Variants in KIR2DL3 observed in about 807,000 individuals in gnomAD.
The protein encoded by KIR2DL3 is killer cell immunoglobulin like receptor, two Ig domains and long cytoplasmic tail 3, also known as killer cell immunoglobulin-like receptor 2DL3.
Under a neutral mutation model 33.8 loss-of-function variants are expected in KIR2DL3, and 39 were observed. That is an observed-to-expected ratio of 1.15 (90% CI 0.89 to 1.51). The LOEUF is 1.51. KIR2DL3 is among the 40% of genes most tolerant of loss of function. The probability of loss-of-function intolerance (pLI) is 0.00; values close to 1 mark genes in which losing one functional copy is unlikely to be tolerated. For missense variants in KIR2DL3, 462 were observed against 426.2 expected, an observed-to-expected ratio of 1.08 and a Z score of -0.74; for synonymous variants, 174 against 160.2, an observed-to-expected ratio of 1.09 and a Z score of -0.65.
chr19:54,740,969 G>A (rs2070960449), intron 2 of KIR2DL3, among the ~76,000 whole-genome samples: 2 of 151,614 alleles, frequency 1.3e-5, no homozygotes, highest in Non-Finnish European at 2.9e-5. Flanking sequence ...ATAGAGGCTG[G>A]AAAAGTCAAG....
chr19:54,746,310 T>A (rs2072478422), intron 4 of KIR2DL3, among the ~76,000 whole-genome samples: 1 of 136,096 alleles, frequency 7.3e-6, no homozygotes, highest in South Asian at 2.6e-4. Context: ...CTCAGATGCA[T>A]AGTTTGCACA....
intron 4 of KIR2DL3, among the ~76,000 whole-genome samples, chr19:54,746,023 G>T (rs1444997202): frequency 2.3e-5 from 3 of 129,440 alleles, no homozygotes; most frequent in African/African-American, 5.8e-5. Flanking sequence ...ATGTGGGTCA[G>T]ACTGGTCTCA....
In KIR2DL3 at chr19:54,743,338, A is replaced by C. The variant is rs2071550606; in HGVS notation, c.371-457A>C. On this transcript the variant is annotated intron_variant, in intron 3 of 7. Coordinates refer to ENST00000342376, the MANE Select transcript of KIR2DL3 (RefSeq NM_015868.3). Reference sequence around the variant, plus strand: ...GAGAGATGATACATACATATAAATAACAGATGATTGATGGATAGATAGACA... The same window carrying C: ...GAGAGATGATACATACATATAAATACCAGATGATTGATGGATAGATAGACA... Among the ~76,000 whole-genome samples the C allele has an allele frequency of 2.0e-5, 3 of 152,146 alleles. No homozygotes were observed. In the South Asian group the frequency reaches 6.2e-4, roughly 32 times the overall value.
rs755865659 is a variant in KIR2DL3 at position 54,742,160 on chromosome 19, A to G, written c.251A>G (p.Asn84Ser). 4 of 1,613,916 alleles carry G rather than the reference A, an allele frequency of 2.5e-6. No individual in the cohort carries two copies. Among genetic ancestry groups the G allele is most frequent in the African/African-American group, 2.7e-5 (2 of 74,838 alleles). Reference protein sequence around the residue: ...GEHHDGVSKANFSIGPMMQDL... With the variant: ...GEHHDGVSKASFSIGPMMQDL... ...CACCATGATGGGGTCTCCAAGGCCA[A>G]CTTCTCCATCGGTCCCATGATGCAA... The change falls in exon 3 of 8, where the codon AAC (asparagine) becomes AGC (serine). Residue 84 changes from asparagine (N) to serine (S), a missense_variant. By Grantham distance (46) the Asn-to-Ser change is conservative (BLOSUM62 1). Transcript: ENST00000342376.
In KIR2DL3 at chr19:54,744,012, C is replaced by T; in HGVS notation, c.588C>T (p.Tyr196=). The T allele has an allele frequency of 1.9e-6, 3 of 1,614,250 alleles. No homozygotes were observed. The highest frequency in any genetic ancestry group is 2.5e-6 in the Non-Finnish European group (3 of 1,180,052). Reference sequence around the variant, plus strand: ...GCCCTGCCACCCACGGAGGAACCTACAGATGCTTCGGCTCTTTCCGTGACT... The same window carrying T: ...GCCCTGCCACCCACGGAGGAACCTATAGATGCTTCGGCTCTTTCCGTGACT... ...PLGPATHGGT[Y]RCFGSFRDSP... is the part of the protein sequence containing the mutation. Residue 196 remains tyrosine, a synonymous_variant, in exon 4 of 8, where the codon TAC becomes TAT. Coordinates refer to ENST00000342376, the MANE Select transcript of KIR2DL3 (RefSeq NM_015868.3).
rs540578919 is a variant in KIR2DL3, at chr19:54,739,358, C to G, written c.35-149C>G. The G allele has an allele frequency of 7.6e-4, 1,029 of 1,345,302 alleles. 7 individuals are homozygous for G. In the South Asian group the frequency reaches 0.011, roughly 15 times the overall value. 83.3% of individuals were successfully genotyped at this position (1,345,302 alleles called of 1,614,324 possible). ...AACTGGGTCTCTGCACAGCCGACAG[C>G]CCTGTTCTTGGGTGCAGGTAGGCAC... On this transcript the variant is annotated intron_variant, in intron 1 of 7. Coordinates refer to ENST00000342376, the MANE Select transcript of KIR2DL3 (RefSeq NM_015868.3).
rs1185648350 is a variant in KIR2DL3 at position 54,744,870 on chromosome 19, T to TTATATA, written c.664+805_664+810dup. Reference sequence around the variant, plus strand: ...TAAAGTCTAGTGGTCATAAATACATTTATATATATATATATATATATATAT... The same window carrying TTATATA: ...TAAAGTCTAGTGGTCATAAATACATTTATATATATATATATATATATATATATATAT... On this transcript the variant is annotated intron_variant, in intron 4 of 7. Coordinates refer to ENST00000342376, the MANE Select transcript of KIR2DL3 (RefSeq NM_015868.3). Among the ~76,000 whole-genome samples the TTATATA allele has an allele frequency of 1.5e-3, 121 of 78,414 alleles. 2 individuals are homozygous for TTATATA. Among genetic ancestry groups the TTATATA allele is most frequent in the East Asian group, 0.011 (31 of 2,796 alleles). 51.4% of individuals were successfully genotyped at this position (78,414 alleles called of 152,430 possible). A position where few individuals can be genotyped will look rare whatever the true frequency, so the allele number is the denominator to read the frequency against.
intron 2 of KIR2DL3, among the ~76,000 whole-genome samples, chr19:54,741,000 C>G (rs532856585): frequency 3.3e-5 from 5 of 151,746 alleles, no homozygotes; most frequent in Non-Finnish European, 7.4e-5. Flanking sequence ...TCCAGAGTCT[C>G]CAGAGGGAAC....
chr19:54,744,614 C>T (rs1409486465), intron 4 of KIR2DL3, among the ~76,000 whole-genome samples: 133 of 151,386 alleles, frequency 8.8e-4, no homozygotes, highest in African/African-American at 2.8e-3. Context: ...GCAACTTCCG[C>T]CTCCTGGGTT....
chr19:54,744,049 T>C lies in KIR2DL3; in HGVS notation c.625T>C (p.Trp209Arg), dbSNP rs2147074664. The change falls in exon 4 of 8, where the codon TGG (tryptophan) becomes CGG (arginine). Residue 209 changes from tryptophan to arginine, a missense_variant. By Grantham distance (101) the Trp-to-Arg change is moderately radical (BLOSUM62 -3). Coordinates refer to ENST00000342376, the MANE Select transcript of KIR2DL3 (RefSeq NM_015868.3). ...CTCTTTCCGTGACTCTCCATACGAG[T>C]GGTCAAACTCGAGTGACCCACTGCT... ...FGSFRDSPYEWSNSSDPLLVS... is the reference protein window; with the variant it reads ...FGSFRDSPYERSNSSDPLLVS... 6.2e-7 allele frequency: 1 copy of C among 1,614,172 alleles called. No individual in the cohort carries two copies. The highest frequency in any genetic ancestry group is 2.2e-5 in the East Asian group (1 of 44,882).
intron 4 of KIR2DL3, among the ~76,000 whole-genome samples, chr19:54,744,954 A>T (rs1289156528): frequency 0.01 from 314 of 31,142 alleles, 2 homozygotes; most frequent in African/African-American, 0.012. Flanking sequence ...ATATATATAT[A>T]TTTTTTTTTT....
intron 4 of KIR2DL3, among the ~76,000 whole-genome samples, chr19:54,744,946 ATATATATATTTTTTT>A (rs1316211797): frequency 3.8e-5 from 1 of 26,208 alleles, no homozygotes; most frequent in African/African-American, 1.3e-4. Flanking sequence ...ATATATATAT[ATATATATATTTTTTT>A]TTTTTTTTTT....
intron 1 of KIR2DL3, among the ~76,000 whole-genome samples, chr19:54,739,067 T>A (rs1205290222): frequency 7.5e-6 from 1 of 133,444 alleles, no homozygotes; most frequent in Admixed American, 7.4e-5. Flanking sequence ...GGCCTAGAGG[T>A]GGATATCTGG....
intron 4 of KIR2DL3, among the ~76,000 whole-genome samples, chr19:54,746,374 G>C: frequency 8.1e-6 from 1 of 123,780 alleles, no homozygotes; most frequent in East Asian, 2.1e-4. Flanking sequence ...TATTTTTAGC[G>C]GTGCAGAAGT....
intron 4 of KIR2DL3, among the ~76,000 whole-genome samples, chr19:54,746,880 T>G (rs1253235423): frequency 2.0e-5 from 3 of 146,572 alleles, no homozygotes; most frequent in Admixed American, 7.1e-5. Context: ...TACTCAGGAG[T>G]TTGAGGCCAG....
At chr19:54,744,921 C>CATATATATATGTGTATAT (rs2072105959) in intron 4 of KIR2DL3, among the ~76,000 whole-genome samples, 46 of 25,150 alleles carry the variant, frequency 1.8e-3, no homozygotes, top group South Asian at 3.5e-3. Flanking sequence ...CATATATAAA[C>CATATATATATGTGTATAT]ATATATATAT....
chr19:54,739,191 G>A (rs2070476180), intron 1 of KIR2DL3, among the ~76,000 whole-genome samples: 2 of 150,892 alleles, frequency 1.3e-5, no homozygotes, highest in Non-Finnish European at 3.0e-5. Context: ...GTGGAGATCT[G>A]GGCCTGGGGC....
At chr19:54,749,287 A>C (rs1243035748) in intron 5 of KIR2DL3, among the ~76,000 whole-genome samples, 3 of 149,098 alleles carry the variant, frequency 2.0e-5, no homozygotes, top group African/African-American at 5.0e-5. Context: ...CTACATGATT[A>C]ATATGACTGA....
rs2071693001 is a variant in KIR2DL3, at chr19:54,743,901, T to C, written c.477T>C (p.His159=). 6.2e-7 allele frequency: 1 copy of C among 1,614,028 alleles called. No homozygotes were observed. The highest frequency in any genetic ancestry group is 8.5e-7 in the Non-Finnish European group (1 of 1,179,994). The change falls in exon 4 of 8, where the codon CAT becomes CAC. Residue 159 remains histidine (H), a synonymous_variant. Coordinates refer to ENST00000342376, the MANE Select transcript of KIR2DL3 (RefSeq NM_015868.3). ...CSSRSSYDMY[H]LSREGEAHER... Reference sequence around the variant, plus strand: ...CCCGGAGCTCCTATGACATGTACCATCTATCCAGGGAGGGGGAGGCCCATG... The same window carrying C: ...CCCGGAGCTCCTATGACATGTACCACCTATCCAGGGAGGGGGAGGCCCATG...
Sources: gnomAD v4.1 joint callset for allele counts (sites outside exome capture counted in the v4.1 genomes callset) on GRCh38, gnomAD v4.1.1 for gene constraint, MANE v1.5 for transcripts, NCBI Gene and HGNC (gene_info 2026-07-23, HGNC 2026-07-21) for gene names.